The following KATNIP variants were observed in gnomAD, a reference collection of about 807,000 sequenced individuals.
The protein encoded by KATNIP is katanin interacting protein.
A neutral mutation model predicts 174.0 loss-of-function variants in KATNIP; 126 were observed. The ratio of observed to expected loss-of-function variants is 0.72; its 90% CI spans 0.63 to 0.84. KATNIP has a LOEUF of 0.84. KATNIP is among the 40% of genes least tolerant of loss of function. KATNIP has a pLI of 0.00. For missense variants in KATNIP, 1,958 were observed against 2,109.7 expected (o/e 0.93, Z 1.41); for synonymous variants, 810 against 835.7 (o/e 0.97, Z 0.53).
At chr16:27,663,152 C>CTTTTTTTTT (rs11440523) in intron 6 of KATNIP, among the ~76,000 whole-genome samples, 18 of 80,048 alleles carry the variant, frequency 2.2e-4, no homozygotes, top group African/African-American at 4.4e-4. Context: ...TTTTCTTCTT[C>CTTTTTTTTT]TTTTTTTTTT....
In KATNIP at chr16:27,749,777, C is replaced by G. The variant is rs1480907829; in HGVS notation, c.2817C>G (p.Pro939=). The change falls in exon 16 of 28, where the codon CCC becomes CCG. Residue 939 remains proline (P), a synonymous_variant. Coordinates refer to ENST00000261588, the MANE Select transcript of KATNIP (RefSeq NM_015202.5). The part of the protein sequence containing the change: ...QQKSSRHSDL[P]PSKKGEQPGL... ...AGAGCAGCCGGCACAGCGACTTGCC[C>G]CCCTCCAAGAAGGGGGAGCAGCCAG... 2.5e-6 allele frequency: 4 copies of G among 1,609,828 alleles called. No homozygotes were observed. Among genetic ancestry groups the G allele is most frequent in the Non-Finnish European group, 3.4e-6 (4 of 1,177,622 alleles).
At chr16:27,672,579 A>G (rs887054393) in intron 6 of KATNIP, among the ~76,000 whole-genome samples, 1 of 152,188 alleles carries the variant, frequency 6.6e-6, no homozygotes, top group Non-Finnish European at 1.5e-5. Flanking sequence ...GCCTTAATGA[A>G]TGGTGGTTGC....
At chr16:27,774,852 C>T in intron 23 of KATNIP, 93 bp from the exon 24 acceptor site, 1 of 1,475,634 alleles carries the variant, frequency 6.8e-7, no homozygotes, top group South Asian at 1.2e-5. Context: ...CCCTGCCAGC[C>T]CCAGAGTCCC....
chr16:27,729,476 AG>A (rs2080575684), intron 14 of KATNIP, among the ~76,000 whole-genome samples: 1 of 152,228 alleles, frequency 6.6e-6, no homozygotes, highest in Non-Finnish European at 1.5e-5. Flanking sequence ...CTCTAAAAGG[AG>A]GAAAAATCAT....
Position 27,609,559 on chromosome 16 carries a change from T to C in KATNIP, c.64-8866T>C, listed in dbSNP as rs376526790. 4.7e-5 allele frequency among the ~76,000 whole-genome samples: 7 copies of C among 150,496 alleles called. No individual in the cohort carries two copies. The South Asian group carries it at 1.5e-3, about 32-fold the overall frequency. On this transcript the variant is annotated intron_variant, in intron 2 of 27. Transcript: ENST00000261588. ...GCACCCGCCACCATGCCCGGCTAAT[T>C]TTTTGTATCTTTAGTAGAGACGGGG...
chr16:27,696,241 A>G (rs540622562), intron 8 of KATNIP, among the ~76,000 whole-genome samples: 2 of 152,316 alleles, frequency 1.3e-5, no homozygotes, highest in South Asian at 4.1e-4. Flanking sequence ...CAAAATACCC[A>G]TCCTTCTTCC....
intron 14 of KATNIP, among the ~76,000 whole-genome samples, chr16:27,733,782 CT>C (rs912463324): frequency 3.1e-4 from 47 of 152,244 alleles, no homozygotes; most frequent in African/African-American, 1.0e-3. Flanking sequence ...GATTTTCCCC[CT>C]GGATCCTTTC....
intron 2 of KATNIP, among the ~76,000 whole-genome samples, chr16:27,602,532 T>C (rs988864044): frequency 1.3e-5 from 2 of 152,128 alleles, no homozygotes; most frequent in African/African-American, 4.8e-5. Flanking sequence ...GCCCAACGGG[T>C]TCATTCTGCC....
In KATNIP at chr16:27,751,720, C is replaced by T. The variant is rs771168490; in HGVS notation, c.3348C>T (p.Ala1116=). The T allele has an allele frequency of 1.9e-6, 3 of 1,613,962 alleles. No individual in the cohort carries two copies. Among genetic ancestry groups the T allele is most frequent in the South Asian group, 2.2e-5 (2 of 91,072 alleles). Residue 1116 remains alanine, a splice_region_variant and synonymous_variant, in exon 17 of 28, where the codon GCC becomes GCT. Transcript: ENST00000261588. Reference sequence around the variant, plus strand: ...TCTGTCATCTTGATAACCCATTAGCCCCAGAGCACTTTGGAGACACGATCT... The same window carrying T: ...TCTGTCATCTTGATAACCCATTAGCTCCAGAGCACTTTGGAGACACGATCT... The part of the protein sequence containing the change: ...IAKASGTLAG[A]PEHFGDTILF...
intron 6 of KATNIP, among the ~76,000 whole-genome samples, chr16:27,651,234 C>T (rs1597063143): frequency 6.6e-6 from 1 of 152,312 alleles, no homozygotes; most frequent in Middle Eastern, 3.4e-3. Flanking sequence ...TGCTGCTCCG[C>T]CAGCACTTAA....
chr16:27,758,390 A>G (rs893139020), intron 18 of KATNIP, among the ~76,000 whole-genome samples: 8 of 151,872 alleles, frequency 5.3e-5, no homozygotes, highest in African/African-American at 1.7e-4. Context: ...CTTCAACCCT[A>G]TTTTCATTGC....
intron 2 of KATNIP, among the ~76,000 whole-genome samples, chr16:27,589,580 A>T (rs1447852167): frequency 2.0e-5 from 3 of 152,294 alleles, no homozygotes; most frequent in Admixed American, 2.0e-4. Context: ...TTTACACTTT[A>T]CCCAAAAACA....
intron 2 of KATNIP, among the ~76,000 whole-genome samples, chr16:27,618,067 T>G (rs931408084): frequency 2.0e-5 from 3 of 152,148 alleles, no homozygotes; most frequent in Non-Finnish European, 4.4e-5. Flanking sequence ...CTGATTTGGG[T>G]TGCCTCTGGT....
At chr16:27,690,363 T>TAGATAGATAGATGATAGATA (rs397837255) in intron 8 of KATNIP, among the ~76,000 whole-genome samples, 229 of 91,020 alleles carry the variant, frequency 2.5e-3, no homozygotes, top group East Asian at 4.9e-3. Context: ...GATAGATAGA[T>TAGATAGATAGATGATAGATA]GATAGATAGA....
At position 27,776,907 on chromosome 16, in the gene KATNIP, A is replaced by G. The variant is rs780609356; in HGVS notation, c.4450-21A>G. On this transcript the variant is annotated intron_variant, in intron 24 of 27. Coordinates refer to ENST00000261588, the MANE Select transcript of KATNIP (RefSeq NM_015202.5). This position sits in a 1 kb window ranked among gnomAD's most constrained non-coding sequence, Gnocchi z 4.7. ...TCTGTTTCCAAACATGCCTGTTTTAATTAGTGCCGCTCTCTGACAGGTGAA... is the reference window on the plus strand; with the variant it reads ...TCTGTTTCCAAACATGCCTGTTTTAGTTAGTGCCGCTCTCTGACAGGTGAA... 1 of 1,560,012 alleles carries G rather than the reference A, an allele frequency of 6.4e-7. No individual in the cohort carries two copies. The highest frequency in any genetic ancestry group is 8.8e-7 in the Non-Finnish European group (1 of 1,130,988).
At chr16:27,739,908 A>G (rs1433620464) in intron 14 of KATNIP, 133 bp from the exon 15 acceptor site, 2 of 887,726 alleles carry the variant, frequency 2.3e-6, no homozygotes, top group Non-Finnish European at 3.4e-6. Context: ...CACCCCCAGC[A>G]CTGTGGTTTT....
rs2082546570 is a variant in KATNIP, at chr16:27,777,641, G to A, written c.4583G>A (p.Gly1528Glu). The A allele has an allele frequency of 7.4e-6, 12 of 1,613,326 alleles. No individual in the cohort carries two copies. Among genetic ancestry groups the A allele is most frequent in the Non-Finnish European group, 9.3e-6 (11 of 1,179,692 alleles). ...GTGGACGACCTGCTTGTGTACAATG[G>A]GATCCTGGCCATGGTGAGCCACCTG... is the stretch of plus-strand genomic sequence containing the variant. The part of the protein sequence containing the change: ...LLVDDLLVYN[G>E]ILAMVSHLVG... The change falls in exon 26 of 28, where the codon GGG becomes GAG. Residue 1528 changes from glycine to glutamate, a missense_variant. Coordinates refer to ENST00000261588, the MANE Select transcript of KATNIP (RefSeq NM_015202.5). This position sits in a 1 kb window ranked among gnomAD's most constrained non-coding sequence, Gnocchi z 4.4.
At chr16:27,674,130 A>G (rs2142713032) in intron 6 of KATNIP, among the ~76,000 whole-genome samples, 1 of 152,288 alleles carries the variant, frequency 6.6e-6, no homozygotes, top group East Asian at 1.9e-4. Context: ...GGCAACAGAG[A>G]TAATTAATTA....
chr16:27,633,508 T>C (rs2076551923), intron 5 of KATNIP, among the ~76,000 whole-genome samples: 3 of 151,770 alleles, frequency 2.0e-5, no homozygotes, highest in Non-Finnish European at 4.4e-5. Context: ...CCCAGGCTAG[T>C]CTTGAACTTC....
Sources: allele counts gnomAD v4.1 joint callset (sites outside exome capture counted in the v4.1 genomes callset), GRCh38; gene constraint gnomAD v4.1.1; non-coding constraint Gnocchi (gnomAD v3.1); transcripts MANE v1.5; gene names NCBI Gene and HGNC (gene_info 2026-07-23, HGNC 2026-07-21).